SNAPC3: variants seen among roughly 807,000 people sequenced by gnomAD.
The protein encoded by SNAPC3 is small nuclear RNA activating complex polypeptide 3.
A neutral mutation model predicts 47.7 loss-of-function variants in SNAPC3; 56 were observed. That is an observed-to-expected ratio of 1.18 (90% CI 0.95 to 1.47). The LOEUF is 1.47. Ranked by LOEUF, SNAPC3 falls within the 40% of genes most tolerant of loss-of-function variation. The pLI is 0.00. For synonymous variants in SNAPC3, 235 were observed against 189.9 expected (o/e 1.24, Z -1.95); for missense variants, 665 against 511.3 (o/e 1.30, Z -2.90).
intron 4 of SNAPC3, among the ~76,000 whole-genome samples, 183 bp downstream of exon 4, chr9:15,444,889 T>G (rs1486951957): frequency 2.6e-5 from 4 of 152,154 alleles, no homozygotes; most frequent in Admixed American, 2.6e-4. Flanking sequence ...GCCAGGAGTT[T>G]GAGACCAACC....
intron 2 of SNAPC3, among the ~76,000 whole-genome samples, chr9:15,425,571 C>G (rs748823916): frequency 6.6e-6 from 1 of 152,206 alleles, no homozygotes; most frequent in Non-Finnish European, 1.5e-5. Flanking sequence ...CACAACCCAT[C>G]TTTCCCTTAG....
chr9:15,439,458 T>A (rs1209706736), intron 3 of SNAPC3, among the ~76,000 whole-genome samples: 1 of 152,154 alleles, frequency 6.6e-6, no homozygotes, highest in Non-Finnish European at 1.5e-5. Context: ...TAGGCTCAAG[T>A]AATACTCCCA....
In SNAPC3 at chr9:15,422,974, A is replaced by T. The variant is rs1202709817; in HGVS notation, c.95A>T (p.Tyr32Phe). Residue 32 changes from tyrosine (Y) to phenylalanine (F), a missense_variant, in exon 1 of 9, where the codon TAT becomes TTT. Transcript: ENST00000380821. ...AGTGGCGGCTGCAACTTTCCAGAGT[A>T]TGAGCTTCCCGAGCTAAATACGCGC... ...SGSGGCNFPE[Y>F]ELPELNTRAF... 3 of 1,542,548 alleles carry T rather than the reference A, an allele frequency of 1.9e-6. No individual in the cohort carries two copies. Among genetic ancestry groups the T allele is most frequent in the African/African-American group, 2.8e-5 (2 of 70,732 alleles).
At chr9:15,457,212 T>G (rs996355077) in intron 7 of SNAPC3, among the ~76,000 whole-genome samples, 43 of 152,240 alleles carry the variant, frequency 2.8e-4, no homozygotes, top group African/African-American at 9.4e-4. Context: ...AAAGGAGACA[T>G]TAAAAAAACA....
chr9:15,452,392 C>A (rs1295114494), intron 6 of SNAPC3, among the ~76,000 whole-genome samples: 2 of 150,436 alleles, frequency 1.3e-5, no homozygotes, highest in Non-Finnish European at 2.9e-5. Flanking sequence ...GATTTCGGCT[C>A]ACCACAGCCT....
At chr9:15,451,655 T>G (rs1469212632) in intron 6 of SNAPC3, among the ~76,000 whole-genome samples, 1 of 152,110 alleles carries the variant, frequency 6.6e-6, no homozygotes, top group African/African-American at 2.4e-5. Flanking sequence ...ATCTCGCCTG[T>G]GAATACCCAC....
chr9:15,423,880 T>C, intron 1 of SNAPC3, 29 bp from the exon 2 acceptor site: 2 of 1,414,714 alleles, frequency 1.4e-6, no homozygotes, highest in African/African-American at 2.9e-5. Flanking sequence ...GAGTCGACCT[T>C]AAAGTATTGC....
rs780948515 is a variant in SNAPC3, at chr9:15,447,151, ACAAC to A, written c.640_643del (p.Gln214Ter). The A allele has an allele frequency of 6.2e-7, 1 of 1,613,888 alleles. No individual in the cohort carries two copies. On this transcript the variant is annotated frameshift_variant, in exon 5 of 9. Coordinates refer to ENST00000380821, the MANE Select transcript of SNAPC3 (RefSeq NM_001039697.2). LOFTEE classifies it high-confidence loss of function. ...TGGTGTTGGGCAGTCAAAAACTCAC[ACAAC>A]TGAGGGATTCAATTCGATGTGTCAG...
At chr9:15,452,577 C>A (rs573511030) in intron 6 of SNAPC3, among the ~76,000 whole-genome samples, 1 of 152,270 alleles carries the variant, frequency 6.6e-6, no homozygotes, top group East Asian at 1.9e-4. Context: ...CTCGGCCTCC[C>A]GAAGTGCTGG....
intron 2 of SNAPC3, among the ~76,000 whole-genome samples, chr9:15,428,797 C>T (rs887780329): frequency 2.0e-5 from 3 of 151,096 alleles, no homozygotes; most frequent in Admixed American, 6.6e-5. Context: ...ATAAAAACAA[C>T]GAAGAGAATT....
chr9:15,440,737 C>G (rs1272328644), intron 3 of SNAPC3, among the ~76,000 whole-genome samples: 2 of 152,062 alleles, frequency 1.3e-5, no homozygotes, highest in African/African-American at 2.4e-5. Flanking sequence ...ATCACGAGGT[C>G]AAGAGATTGA....
chr9:15,445,592 GAATA>G (rs1295510238), intron 4 of SNAPC3, among the ~76,000 whole-genome samples: 1 of 151,456 alleles, frequency 6.6e-6, no homozygotes, highest in Non-Finnish European at 1.5e-5. Context: ...TTGCACTTAT[GAATA>G]AATAGGCTTT....
At position 15,460,421 on chromosome 9, in the gene SNAPC3, G is replaced by A. The variant is rs77860595; in HGVS notation, c.*555G>A. Reference sequence around the variant, plus strand: ...TATTTATTTTTTGAGACAAAATCTCGCTCTTGTTGCCCAGGCTGGAATACA... The same window carrying A: ...TATTTATTTTTTGAGACAAAATCTCACTCTTGTTGCCCAGGCTGGAATACA... On this transcript the variant is annotated 3_prime_UTR_variant, in exon 9 of 9. Coordinates refer to ENST00000380821, the MANE Select transcript of SNAPC3 (RefSeq NM_001039697.2). 1 of 152,136 alleles carries A rather than the reference G, an allele frequency of 6.6e-6. No individual in the cohort carries two copies. Among genetic ancestry groups the A allele is most frequent in the Non-Finnish European group, 1.5e-5 (1 of 68,036 alleles). The allele number at this position is 152,136 out of a possible 1,614,324, so 9.4% of individuals were successfully genotyped here. A position where few individuals can be genotyped will look rare whatever the true frequency, so the allele number is the denominator to read the frequency against.
chr9:15,458,200 G>A, intron 8 of SNAPC3, 133 bp downstream of exon 8: 1 of 525,148 alleles, frequency 1.9e-6, no homozygotes, highest in Non-Finnish European at 3.3e-6. Context: ...GTAGGGAAGT[G>A]CCAGAAAATC....
intron 2 of SNAPC3, among the ~76,000 whole-genome samples, chr9:15,425,711 C>G (rs1366600769): frequency 6.6e-6 from 1 of 152,192 alleles, no homozygotes; most frequent in African/African-American, 2.4e-5. Context: ...AATTGGTGCT[C>G]TGTAACTATT....
intron 5 of SNAPC3, among the ~76,000 whole-genome samples, chr9:15,449,804 C>T (rs925239675): frequency 1.3e-5 from 2 of 151,706 alleles, no homozygotes; most frequent in Non-Finnish European, 2.9e-5. Context: ...CTCCCAACCT[C>T]AGGTGATCTG....
At chr9:15,449,550 TATATATA>T (rs2034210956) in intron 5 of SNAPC3, among the ~76,000 whole-genome samples, 1 of 35,728 alleles carries the variant, frequency 2.8e-5, no homozygotes, top group African/African-American at 1.2e-4. Flanking sequence ...TATATATATA[TATATATA>T]TATATATTTT....
Position 15,459,905 on chromosome 9 carries a change from A to C in SNAPC3, c.*39A>C, listed in dbSNP as rs1197211837. Reference sequence around the variant, plus strand: ...CACAAAAATACCCCCTCATGAAATAACTGTTCTCTTGGATGGTTACCTTAT... The same window carrying C: ...CACAAAAATACCCCCTCATGAAATACCTGTTCTCTTGGATGGTTACCTTAT... On this transcript the variant is annotated 3_prime_UTR_variant, in exon 9 of 9. Transcript: ENST00000380821. 8 of 1,577,596 alleles carry C rather than the reference A, an allele frequency of 5.1e-6. No individual in the cohort carries two copies. The highest frequency in any genetic ancestry group is 6.9e-6 in the Non-Finnish European group (8 of 1,154,748).
chr9:15,430,630 A>G (rs150489946), intron 2 of SNAPC3, among the ~76,000 whole-genome samples: 126 of 152,352 alleles, frequency 8.3e-4, no homozygotes, highest in African/African-American at 2.4e-3. Context: ...CATGTGTTCA[A>G]TACTTACTAG....
Sources: gnomAD v4.1 joint callset for allele counts (sites outside exome capture counted in the v4.1 genomes callset) on GRCh38, gnomAD v4.1.1 for gene constraint, MANE v1.5 for transcripts, NCBI Gene and HGNC (gene_info 2026-07-23, HGNC 2026-07-21) for gene names.